ATP1A2: variants seen among roughly 807,000 people sequenced by gnomAD.
The protein encoded by ATP1A2 is ATPase Na+/K+ transporting subunit alpha 2, also known as sodium/potassium-transporting ATPase subunit alpha-2.
In ATP1A2, 56 loss-of-function variants were observed where a neutral mutation model predicts 113.1. The ratio of observed to expected loss-of-function variants is 0.49; its 90% CI spans 0.40 to 0.62. ATP1A2 has a LOEUF of 0.62. Ranked by LOEUF, ATP1A2 falls within the 20% of genes least tolerant of loss-of-function variation. The pLI is 0.00. For missense variants in ATP1A2, 712 were observed against 1,357.8 expected (o/e 0.52, Z 7.47); for synonymous variants, 490 against 526.8 (o/e 0.93, Z 0.96).
intron 1 of ATP1A2, among the ~76,000 whole-genome samples, chr1:160,119,113 G>T (rs961881080): frequency 6.6e-6 from 1 of 151,810 alleles, no homozygotes; most frequent in Non-Finnish European, 1.5e-5. Context: ...TTGATAGTGG[G>T]TGAGGCTGTG....
At chr1:160,124,155 A>C in intron 5 of ATP1A2, 99 bp downstream of exon 5, 2 of 1,566,252 alleles carry the variant, frequency 1.3e-6, no homozygotes, top group Non-Finnish European at 1.7e-6. Context: ...AGAGATGGAC[A>C]GAAAAGATCC....
chr1:160,141,380 G>T lies in ATP1A2; in HGVS notation c.*58G>T, dbSNP rs1326564037. 1.2e-6 allele frequency: 2 copies of T among 1,601,816 alleles called. No homozygotes were observed. Among genetic ancestry groups the T allele is most frequent in the African/African-American group, 1.3e-5 (1 of 74,654 alleles). On this transcript the variant is annotated 3_prime_UTR_variant, in exon 23 of 23. Transcript: ENST00000361216. The stretch of plus-strand genomic sequence containing the variant: ...TGGGGAGCTCTGGAGGTGTTGTGGG[G>T]ATGGTGATGGAGAGGGATGGAAATA...
At chr1:160,134,199 A>C (rs1391521201) in intron 13 of ATP1A2, among the ~76,000 whole-genome samples, 5 of 131,678 alleles carry the variant, frequency 3.8e-5, no homozygotes, top group Admixed American at 1.5e-4. Context: ...ACACACACAC[A>C]CAATCCCCAC....
chr1:160,124,715 G>C (rs1054144393), intron 6 of ATP1A2, among the ~76,000 whole-genome samples: 2 of 152,188 alleles, frequency 1.3e-5, no homozygotes, highest in African/African-American at 2.4e-5. Context: ...TATGTTCGAT[G>C]TGCTATCTGA....
In ATP1A2 at chr1:160,136,124, A is replaced by G; in HGVS notation, c.2440-123A>G. On this transcript the variant is annotated intron_variant, in intron 17 of 22. Coordinates refer to ENST00000361216, the MANE Select transcript of ATP1A2 (RefSeq NM_000702.4). ...GAGACAGGCACAGGCCTGGAAGACAATGGGGTCTGAATACACGCTTTTTTA... is the reference window on the plus strand; with the variant it reads ...GAGACAGGCACAGGCCTGGAAGACAGTGGGGTCTGAATACACGCTTTTTTA... 5 of 1,598,850 alleles carry G rather than the reference A, an allele frequency of 3.1e-6. No homozygotes were observed. In the Admixed American group the frequency reaches 5.0e-5, roughly 16 times the overall value.
At position 160,135,389 on chromosome 1, in the gene ATP1A2, C is replaced by G; in HGVS notation, c.2116-45C>G. The G allele has an allele frequency of 1.9e-6, 3 of 1,614,178 alleles. No homozygotes were observed. The highest frequency in any genetic ancestry group is 2.5e-6 in the Non-Finnish European group (3 of 1,180,022). ...ATGGAGTGAGAGGCGAGGAGCCAGG[C>G]TTGGGAAGGGGTTTCGTCCTCAAGT... On this transcript the variant is annotated intron_variant, in intron 15 of 22. Coordinates refer to ENST00000361216, the MANE Select transcript of ATP1A2 (RefSeq NM_000702.4). The surrounding 1 kb of genome is among the most constrained non-coding windows in gnomAD (Gnocchi z 6.3).
rs201669294 is a variant in ATP1A2, at chr1:160,136,267, C to A, written c.2460C>A (p.Ala820=). 2.6e-5 allele frequency: 42 copies of A among 1,614,178 alleles called. No individual in the cohort carries two copies. In the East Asian group the frequency reaches 9.4e-4, roughly 36 times the overall value. Residue 820 remains alanine, a synonymous_variant, in exon 18 of 23, where the codon GCC becomes GCA. Transcript: ENST00000361216. The part of the protein sequence containing the change: ...GTDMVPAISL[A]YEAAESDIMK... Reference sequence around the variant, plus strand: ...CACAGGTCCCTGCCATCTCCTTGGCCTATGAGGCAGCTGAGAGTGATATCA... The same window carrying A: ...CACAGGTCCCTGCCATCTCCTTGGCATATGAGGCAGCTGAGAGTGATATCA...
intron 8 of ATP1A2, 89 bp from the exon 9 acceptor site, chr1:160,128,563 G>C (rs775601362): frequency 1.8e-5 from 28 of 1,593,622 alleles, no homozygotes; most frequent in African/African-American, 2.7e-5. Flanking sequence ...AGAATCAGGG[G>C]AGGAGGAATG....
Position 160,136,000 on chromosome 1 carries a change from G to T in ATP1A2, c.2439+7G>T. On this transcript the variant is annotated splice_region_variant and intron_variant, in intron 17 of 22. Transcript: ENST00000361216. The surrounding 1 kb of genome is among the most constrained non-coding windows in gnomAD (Gnocchi z 6.3). ...TGACCTGGGCACAGATATGGTGAGCGCAGGAGGTGGAGGAGGGGACAGGCA... is the reference window on the plus strand; with the variant it reads ...TGACCTGGGCACAGATATGGTGAGCTCAGGAGGTGGAGGAGGGGACAGGCA... 2 of 1,614,054 alleles carry T rather than the reference G, an allele frequency of 1.2e-6. No homozygotes were observed. Among genetic ancestry groups the T allele is most frequent in the Non-Finnish European group, 1.7e-6 (2 of 1,180,002 alleles).
chr1:160,123,137 A>C (rs1417754254), intron 3 of ATP1A2, 76 bp from the exon 4 acceptor site: 1 of 1,526,516 alleles, frequency 6.6e-7, no homozygotes, highest in Non-Finnish European at 9.0e-7. Flanking sequence ...CATGCCCGGG[A>C]GCTGAAGGGA....
At position 160,136,270 on chromosome 1, in the gene ATP1A2, T is replaced by C. The variant is rs932326539; in HGVS notation, c.2463T>C (p.Tyr821=). The C allele has an allele frequency of 5.6e-6, 9 of 1,614,074 alleles. No individual in the cohort carries two copies. The Admixed American group carries it at 1.2e-4, about 21-fold the overall frequency. ...AGGTCCCTGCCATCTCCTTGGCCTA[T>C]GAGGCAGCTGAGAGTGATATCATGA... is the stretch of plus-strand genomic sequence containing the variant. The part of the protein sequence containing the change: ...TDMVPAISLA[Y]EAAESDIMKR... The change falls in exon 18 of 23, where the codon TAT becomes TAC. Residue 821 remains tyrosine, a synonymous_variant. Transcript: ENST00000361216.
At chr1:160,119,050 T>C (rs567961467) in intron 1 of ATP1A2, among the ~76,000 whole-genome samples, 30 of 151,724 alleles carry the variant, frequency 2.0e-4, no homozygotes, top group African/African-American at 6.0e-4. Context: ...ACGATAAAGA[T>C]GTATCAATGC....
At position 160,143,524 on chromosome 1, in the gene ATP1A2, GACATTAGTTTGAGGT is replaced by G. The variant is rs1652218422; in HGVS notation, c.*2205_*2219del. 1 of 152,442 alleles carries G rather than the reference GACATTAGTTTGAGGT, an allele frequency of 6.6e-6. No homozygotes were observed. Among genetic ancestry groups the G allele is most frequent in the Admixed American group, 6.6e-5 (1 of 15,266 alleles). The allele number at this position is 152,442 out of a possible 1,614,324, so 9.4% of individuals were successfully genotyped here. A position where few individuals can be genotyped will look rare whatever the true frequency, so the allele number is the denominator to read the frequency against. The stretch of plus-strand genomic sequence containing the variant: ...GATCTTTATTGGTGACCTTTTGTAA[GACATTAGTTTGAGGT>G]ACTACCTATGTACTTGAAAATAATA... On this transcript the variant is annotated 3_prime_UTR_variant, in exon 23 of 23. Coordinates refer to ENST00000361216, the MANE Select transcript of ATP1A2 (RefSeq NM_000702.4).
intron 1 of ATP1A2, among the ~76,000 whole-genome samples, chr1:160,120,327 C>T (rs1365346704): frequency 6.6e-6 from 1 of 152,138 alleles, no homozygotes; most frequent in Admixed American, 6.5e-5. Context: ...CAGGCCTGCT[C>T]TTTCCATCCC....
At position 160,135,798 on chromosome 1, in the gene ATP1A2, G is replaced by A; in HGVS notation, c.2285-41G>A. The A allele has an allele frequency of 6.2e-7, 1 of 1,614,010 alleles. No homozygotes were observed. The highest frequency in any genetic ancestry group is 8.5e-7 in the Non-Finnish European group (1 of 1,179,934). On this transcript the variant is annotated intron_variant, in intron 16 of 22. Coordinates refer to ENST00000361216, the MANE Select transcript of ATP1A2 (RefSeq NM_000702.4). This position sits in a 1 kb window ranked among gnomAD's most constrained non-coding sequence, Gnocchi z 6.3. The stretch of plus-strand genomic sequence containing the variant: ...CTTCAGGGGCTGGGGGTGGGGAAGA[G>A]TCCCTCTGACCTCCCTGATGCCCTC...
At chr1:160,127,043 G>A (rs1287205672) in intron 7 of ATP1A2, among the ~76,000 whole-genome samples, 1 of 151,916 alleles carries the variant, frequency 6.6e-6, no homozygotes, top group Non-Finnish European at 1.5e-5. Flanking sequence ...GCTCCAATGT[G>A]CATGCTTTTT....
chr1:160,130,290 G>C lies in ATP1A2; in HGVS notation c.1650G>C (p.Leu550=), dbSNP rs775807326. ...MELGGLGERV[L]GFCQLNLPSG... Reference sequence around the variant, plus strand: ...TGGGGGGACTTGGGGAGCGTGTGCTGGGTGAGAGGCCAGAAACAGGAGGCT... The same window carrying C: ...TGGGGGGACTTGGGGAGCGTGTGCTCGGTGAGAGGCCAGAAACAGGAGGCT... Residue 550 remains leucine, a splice_region_variant and synonymous_variant, in exon 12 of 23, where the codon CTG becomes CTC. Coordinates refer to ENST00000361216, the MANE Select transcript of ATP1A2 (RefSeq NM_000702.4). 5 of 1,614,150 alleles carry C rather than the reference G, an allele frequency of 3.1e-6. No individual in the cohort carries two copies. In the Admixed American group the frequency reaches 8.3e-5, roughly 27 times the overall value.
chr1:160,120,302 C>A (rs548176425), intron 1 of ATP1A2, among the ~76,000 whole-genome samples: 1 of 152,240 alleles, frequency 6.6e-6, no homozygotes, highest in African/African-American at 2.4e-5. Context: ...CAGCTACTGC[C>A]TCCTCTCAGT....
At chr1:160,121,296 A>G in intron 3 of ATP1A2, 45 bp downstream of exon 3, 1 of 1,604,076 alleles carries the variant, frequency 6.2e-7, no homozygotes, top group Middle Eastern at 1.7e-4. Flanking sequence ...AGGCAAGAAA[A>G]CCATGCAGCA....
Sources: gnomAD v4.1 joint callset for allele counts (sites outside exome capture counted in the v4.1 genomes callset) on GRCh38, gnomAD v4.1.1 for gene constraint, Gnocchi (gnomAD v3.1) non-coding constraint, MANE v1.5 for transcripts, NCBI Gene and HGNC (gene_info 2026-07-23, HGNC 2026-07-21) for gene names.